The following FHIT variants were observed in gnomAD, a reference collection of about 807,000 sequenced individuals.
The protein encoded by FHIT is fragile histidine triad diadenosine triphosphatase.
FHIT carries 19 observed loss-of-function variants against 17.9 expected under a neutral mutation model. The observed-to-expected ratio is 1.06, with a 90% CI of 0.74 to 1.56. The LOEUF (loss-of-function observed/expected upper bound fraction) is 1.56, where lower values mean the gene tolerates loss of function less well. FHIT is among the 40% of genes most tolerant of loss of function. The pLI is 0.00. For missense variants in FHIT, 248 were observed against 189.2 expected (o/e 1.31, Z -1.82); for synonymous variants, 81 against 69.7 (o/e 1.16, Z -0.81).
intron 5 of FHIT, among the ~76,000 whole-genome samples, chr3:60,441,924 T>C (rs2611413): frequency 0.87 from 127,648 of 146,116 alleles, 56,270 homozygotes; most frequent in Non-Finnish European, 0.93. Flanking sequence ...AGTGGCATGA[T>C]CATGGCTCAC....
chr3:60,841,491 A>G (rs971917015), intron 3 of FHIT, among the ~76,000 whole-genome samples: 1 of 152,250 alleles, frequency 6.6e-6, no homozygotes, highest in Non-Finnish European at 1.5e-5. Flanking sequence ...ATCTTTTATC[A>G]TGAGCAATCC....
chr3:60,447,131 G>A (rs1025485630), intron 5 of FHIT, among the ~76,000 whole-genome samples: 6 of 152,086 alleles, frequency 3.9e-5, no homozygotes, highest in Non-Finnish European at 8.8e-5. Context: ...AGCAGCCTGT[G>A]GACTCCCGGC....
chr3:61,094,123 A>AGTGTGTGTGTGTGTGT (rs146715486), intron 2 of FHIT, among the ~76,000 whole-genome samples: 3 of 150,170 alleles, frequency 2.0e-5, no homozygotes, highest in African/African-American at 7.3e-5. Flanking sequence ...AATGCAACCA[A>AGTGTGTGTGTGTGTGT]GTGTGTGTGT....
chr3:60,142,500 T>G (rs1391335980), intron 5 of FHIT, among the ~76,000 whole-genome samples: 1 of 152,062 alleles, frequency 6.6e-6, no homozygotes, highest in East Asian at 1.9e-4. Flanking sequence ...TAATTTTTTG[T>G]TGTTGTTATT....
chr3:60,538,006 C>T (rs890876812), intron 4 of FHIT, among the ~76,000 whole-genome samples: 2 of 152,058 alleles, frequency 1.3e-5, no homozygotes, highest in Non-Finnish European at 2.9e-5. Flanking sequence ...TGGCACGCAA[C>T]TCCTAAAATC....
chr3:60,296,778 T>C (rs565719859), intron 5 of FHIT, among the ~76,000 whole-genome samples: 1 of 152,206 alleles, frequency 6.6e-6, no homozygotes, highest in East Asian at 1.9e-4. Context: ...AGTTTTATTT[T>C]CTAAAAGTGT....
intron 3 of FHIT, among the ~76,000 whole-genome samples, chr3:60,838,326 G>C (rs1702604545): frequency 6.6e-6 from 1 of 152,098 alleles, no homozygotes; most frequent in South Asian, 2.1e-4. Flanking sequence ...CAAAAAATTA[G>C]CCGGGCGTGG....
At chr3:61,148,600 T>C (rs2037294952) in intron 2 of FHIT, among the ~76,000 whole-genome samples, 2 of 152,182 alleles carry the variant, frequency 1.3e-5, no homozygotes, top group Admixed American at 1.3e-4. Context: ...TACAATGATG[T>C]CTAAGGATAG....
At chr3:60,842,981 A>T (rs183443975) in intron 3 of FHIT, among the ~76,000 whole-genome samples, 76 of 152,314 alleles carry the variant, frequency 5.0e-4, no homozygotes, top group Non-Finnish European at 1.8e-4. Context: ...TTTCTGATAT[A>T]TCAGATAGAT....
At chr3:60,991,120 G>A (rs995829916) in intron 3 of FHIT, among the ~76,000 whole-genome samples, 2 of 152,202 alleles carry the variant, frequency 1.3e-5, no homozygotes, top group Admixed American at 1.3e-4. Flanking sequence ...CGGTCAGAGA[G>A]GGACTCTCTA....
At chr3:61,194,568 C>T (rs1006179650) in intron 2 of FHIT, among the ~76,000 whole-genome samples, 3 of 152,154 alleles carry the variant, frequency 2.0e-5, no homozygotes, top group African/African-American at 7.2e-5. Flanking sequence ...CAATACCAAA[C>T]GGCTTTTATC....
At chr3:60,054,864 T>A (rs1702018715) in intron 5 of FHIT, among the ~76,000 whole-genome samples, 1 of 152,160 alleles carries the variant, frequency 6.6e-6, no homozygotes, top group Non-Finnish European at 1.5e-5. Flanking sequence ...ATAATAGCAT[T>A]TCATCACTAT....
intron 4 of FHIT, among the ~76,000 whole-genome samples, chr3:60,681,023 T>C (rs957658341): frequency 5.9e-5 from 9 of 152,186 alleles, no homozygotes; most frequent in African/African-American, 2.2e-4. Flanking sequence ...TGATCGAGGA[T>C]ATAATTTTTT....
intron 3 of FHIT, among the ~76,000 whole-genome samples, chr3:61,009,178 G>T (rs2031646735): frequency 6.6e-6 from 1 of 152,034 alleles, no homozygotes; most frequent in Non-Finnish European, 1.5e-5. Flanking sequence ...CAATAGACTG[G>T]GTCCCATTGT....
chr3:59,833,928 T>C (rs1701252312), intron 8 of FHIT, among the ~76,000 whole-genome samples: 1 of 152,162 alleles, frequency 6.6e-6, no homozygotes, highest in South Asian at 2.1e-4. Flanking sequence ...GGTGCCTGCA[T>C]CTCCTTTGCC....
intron 5 of FHIT, among the ~76,000 whole-genome samples, chr3:60,271,385 G>A (rs1013120588): frequency 6.6e-6 from 1 of 152,112 alleles, no homozygotes; most frequent in Admixed American, 6.5e-5. Flanking sequence ...CCTGGGGAAA[G>A]GGAGTGAAAC....
At chr3:60,447,856 G>C (rs1356277343) in intron 5 of FHIT, among the ~76,000 whole-genome samples, 1 of 152,162 alleles carries the variant, frequency 6.6e-6, no homozygotes, top group Non-Finnish European at 1.5e-5. Context: ...GACGTATGTA[G>C]TAAAGATGGG....
At chr3:60,542,059 A>G in intron 4 of FHIT, among the ~76,000 whole-genome samples, 1 of 152,190 alleles carries the variant, frequency 6.6e-6, no homozygotes, top group Admixed American at 6.5e-5. Context: ...ATGTTTGTGT[A>G]CATACATTTT....
intron 5 of FHIT, among the ~76,000 whole-genome samples, chr3:60,035,427 G>T (rs1314721819): frequency 6.6e-6 from 1 of 152,162 alleles, no homozygotes; most frequent in African/African-American, 2.4e-5. Flanking sequence ...TAGTAGAGAA[G>T]AGGTTTCACC....
Sources: gnomAD v4.1 joint callset for allele counts (sites outside exome capture counted in the v4.1 genomes callset) on GRCh38, gnomAD v4.1.1 for gene constraint, MANE v1.5 for transcripts, NCBI Gene and HGNC (gene_info 2026-07-23, HGNC 2026-07-21) for gene names.